Variants in BEND6 observed in about 807,000 individuals in gnomAD.
The protein encoded by BEND6 is BEN domain containing 6.
In BEND6, 24 loss-of-function variants were observed where a neutral mutation model predicts 31.8. The ratio of observed to expected loss-of-function variants is 0.75; its 90% CI spans 0.55 to 1.06. BEND6 has a LOEUF of 1.06. Among genes scored for constraint, BEND6 ranks in the 50% least tolerant of loss-of-function variants. The pLI, the probability that BEND6 is intolerant of heterozygous loss-of-function variation, is 0.00. For missense variants in BEND6, 294 were observed against 327.4 expected, an observed-to-expected ratio of 0.90 and a Z score of 0.79; for synonymous variants, 109 against 114.6, an observed-to-expected ratio of 0.95 and a Z score of 0.31.
intron 4 of BEND6, among the ~76,000 whole-genome samples, chr6:57,016,087 G>A (rs1191171147): frequency 6.6e-6 from 1 of 151,970 alleles, no homozygotes; most frequent in African/African-American, 2.4e-5. Flanking sequence ...ATGCATTCAG[G>A]GTTATACAAT....
At chr6:56,971,652 T>C (rs929233002) in intron 1 of BEND6, among the ~76,000 whole-genome samples, 2 of 152,224 alleles carry the variant, frequency 1.3e-5, no homozygotes, top group African/African-American at 4.8e-5. Context: ...TTTTTTTGTT[T>C]GTAGTCATCC....
intron 3 of BEND6, chr6:57,011,082 T>G (rs935165929): frequency 6.3e-6 from 1 of 158,684 alleles, no homozygotes; most frequent in Non-Finnish European, 1.4e-5. Flanking sequence ...CAATAGATAA[T>G]TGATAGAAGA....
At chr6:56,982,026 T>C (rs552872976) in intron 2 of BEND6, 96 bp downstream of exon 2, 1 of 1,282,376 alleles carries the variant, frequency 7.8e-7, no homozygotes, top group South Asian at 1.6e-5. Context: ...CCCTCTTCTA[T>C]TATTTAATTC....
At chr6:56,964,359 T>G (rs1266585375) in intron 1 of BEND6, among the ~76,000 whole-genome samples, 10 of 152,204 alleles carry the variant, frequency 6.6e-5, no homozygotes, top group Admixed American at 6.5e-4. Flanking sequence ...GTTTAGTCTT[T>G]CCCTCTTTCT....
At chr6:56,975,928 G>A (rs1825856317) in intron 1 of BEND6, 7 of 531,594 alleles carry the variant, frequency 1.3e-5, no homozygotes, top group South Asian at 8.6e-5. Flanking sequence ...CAGTGGTGAG[G>A]AAGTAAGACA....
chr6:56,993,315 T>C (rs1826580055), intron 3 of BEND6, among the ~76,000 whole-genome samples: 1 of 152,196 alleles, frequency 6.6e-6, no homozygotes, highest in Non-Finnish European at 1.5e-5. Flanking sequence ...CAGCACTCAG[T>C]TGTAAAACAG....
chr6:56,986,109 T>C (rs577893731), intron 2 of BEND6, among the ~76,000 whole-genome samples: 10 of 152,298 alleles, frequency 6.6e-5, no homozygotes, highest in African/African-American at 2.2e-4. Context: ...ATTTAATCAA[T>C]ACATAATTTT....
chr6:56,976,591 G>A (rs1276852089), intron 1 of BEND6, among the ~76,000 whole-genome samples: 6 of 151,828 alleles, frequency 4.0e-5, no homozygotes, highest in Non-Finnish European at 8.8e-5. Context: ...TTGAGCCAGA[G>A]TCTTGCTCTG....
chr6:56,981,684 T>G, intron 1 of BEND6, 27 bp from the exon 2 acceptor site: 1 of 993,170 alleles, frequency 1.0e-6, no homozygotes, highest in Non-Finnish European at 1.5e-6. Flanking sequence ...ATATGTTATG[T>G]GTCATGTTTT....
rs1009668774 is a variant in BEND6, at chr6:57,027,277, T to C, written c.*1205T>C. On this transcript the variant is annotated 3_prime_UTR_variant, in exon 7 of 7. Transcript: ENST00000370746. ...TGTGATTGTACAAAATAAATGTTCT[T>C]AAGGAAACAACTTATGTAACATTTG... 2 of 152,248 alleles carry C rather than the reference T, an allele frequency of 1.3e-5. No individual in the cohort carries two copies. The highest frequency in any genetic ancestry group is 6.5e-5 in the Admixed American group (1 of 15,280). 9.4% of individuals were successfully genotyped at this position (152,248 alleles called of 1,614,324 possible). A position where few individuals can be genotyped will look rare whatever the true frequency, so the allele number is the denominator to read the frequency against.
At chr6:57,024,318 C>T (rs1288611583) in intron 6 of BEND6, among the ~76,000 whole-genome samples, 1 of 152,196 alleles carries the variant, frequency 6.6e-6, no homozygotes, top group Non-Finnish European at 1.5e-5. Context: ...TTTATACCTT[C>T]AGATGTTTTG....
intron 3 of BEND6, among the ~76,000 whole-genome samples, chr6:57,012,551 C>T (rs1827383602): frequency 6.6e-6 from 1 of 152,130 alleles, no homozygotes; most frequent in Non-Finnish European, 1.5e-5. Flanking sequence ...TCTGCTCAGA[C>T]TTCATGTAAG....
intron 2 of BEND6, among the ~76,000 whole-genome samples, chr6:56,982,968 G>A (rs1464529688): frequency 6.6e-6 from 1 of 152,048 alleles, no homozygotes; most frequent in Non-Finnish European, 1.5e-5. Context: ...ACAGCTCCAT[G>A]TTATTGCACT....
At chr6:56,967,638 G>C (rs1409522962) in intron 1 of BEND6, among the ~76,000 whole-genome samples, 3 of 152,148 alleles carry the variant, frequency 2.0e-5, no homozygotes, top group African/African-American at 7.2e-5. Flanking sequence ...ATCTAACCAG[G>C]ACTATAGTCC....
chr6:57,020,443 C>A (rs1449751941), intron 6 of BEND6, among the ~76,000 whole-genome samples: 1 of 152,040 alleles, frequency 6.6e-6, no homozygotes, highest in African/African-American at 2.4e-5. Flanking sequence ...ATTTTTGAAA[C>A]GGAGTCTTGC....
intron 3 of BEND6, among the ~76,000 whole-genome samples, chr6:57,006,536 T>C (rs1827164829): frequency 1.3e-5 from 2 of 152,222 alleles, no homozygotes; most frequent in African/African-American, 2.4e-5. Context: ...ACCTTCTCAC[T>C]TCACACTAGG....
intron 2 of BEND6, among the ~76,000 whole-genome samples, chr6:56,990,473 C>A (rs1462071875): frequency 2.6e-5 from 4 of 152,112 alleles, no homozygotes; most frequent in Admixed American, 2.6e-4. Flanking sequence ...TCTTGAACTT[C>A]TGCGCTGAAG....
chr6:56,978,160 G>T (rs1392103954), intron 1 of BEND6, among the ~76,000 whole-genome samples: 1 of 151,806 alleles, frequency 6.6e-6, no homozygotes, highest in Non-Finnish European at 1.5e-5. Flanking sequence ...GTGCATGCCT[G>T]TAGCCCCAGC....
chr6:56,979,392 G>A (rs1421025779), intron 1 of BEND6, among the ~76,000 whole-genome samples: 8 of 152,094 alleles, frequency 5.3e-5, no homozygotes, highest in Non-Finnish European at 5.9e-5. Context: ...TTAAATGGAT[G>A]TACACACTTT....
Sources: allele counts gnomAD v4.1 joint callset (sites outside exome capture counted in the v4.1 genomes callset), GRCh38; gene constraint gnomAD v4.1.1; transcripts MANE v1.5; gene names NCBI Gene and HGNC (gene_info 2026-07-23, HGNC 2026-07-21).